Variants in UGGT2 observed in about 807,000 individuals in gnomAD.
UGGT2 encodes UDP-glucose glycoprotein glucosyltransferase 2.
In UGGT2, 180 loss-of-function variants were observed where a neutral mutation model predicts 192.1. That is an observed-to-expected ratio of 0.94 (90% confidence interval 0.83 to 1.06). The LOEUF is 1.06. Among genes scored for constraint, UGGT2 ranks in the 50% least tolerant of loss-of-function variants. The pLI, the probability that UGGT2 is intolerant of heterozygous loss-of-function variation, is 0.00. For synonymous variants in UGGT2, 580 were observed against 591.0 expected (o/e 0.98, Z 0.27); for missense variants, 1,849 against 1,795.7 (o/e 1.03, Z -0.54).
intron 16 of UGGT2, among the ~76,000 whole-genome samples, chr13:95,937,339 G>A (rs1427440657): frequency 6.6e-6 from 1 of 152,136 alleles, no homozygotes; most frequent in African/African-American, 2.4e-5. Context: ...CTGACATAGT[G>A]ACTCCACTCT....
At position 96,053,054 on chromosome 13, in the gene UGGT2, C is replaced by A; in HGVS notation, c.158+101G>T. ...GGCCAGAGCGGGGGCGTCTGGAGAACCCGGGTGGGAGCCAGACACCCGCTG... is the reference window on the plus strand; with the variant it reads ...GGCCAGAGCGGGGGCGTCTGGAGAAACCGGGTGGGAGCCAGACACCCGCTG... On this transcript the variant is annotated intron_variant, in intron 1 of 38. Transcript: ENST00000376747. The A allele has an allele frequency of 2.9e-6, 4 of 1,374,890 alleles. No homozygotes were observed. The South Asian group carries it at 6.4e-5, about 22-fold the overall frequency. The allele number at this position is 1,374,890 out of a possible 1,614,324, so 85.2% of individuals were successfully genotyped here.
chr13:95,903,782 T>A (rs537750207), intron 20 of UGGT2, among the ~76,000 whole-genome samples: 2 of 152,234 alleles, frequency 1.3e-5, no homozygotes, highest in African/African-American at 4.8e-5. Context: ...ATCTTCCACT[T>A]CAGAAGATGC....
At chr13:95,939,299 T>G (rs1003816528) in intron 16 of UGGT2, among the ~76,000 whole-genome samples, 4 of 152,240 alleles carry the variant, frequency 2.6e-5, no homozygotes, top group Non-Finnish European at 4.4e-5. Flanking sequence ...TTCAGGATTC[T>G]GCTTAAATAT....
At chr13:95,972,136 ATTTTTTTTTTTT>A (rs10568232) in intron 11 of UGGT2, among the ~76,000 whole-genome samples, 2 of 141,772 alleles carry the variant, frequency 1.4e-5, no homozygotes, top group Admixed American at 1.4e-4. Flanking sequence ...ATTTTGAAGA[ATTTTTTTTTTTT>A]TTTTTGACAA....
chr13:95,803,945 A>G (rs1884183559), intron 38 of UGGT2, among the ~76,000 whole-genome samples: 1 of 152,214 alleles, frequency 6.6e-6, no homozygotes, highest in African/African-American at 2.4e-5. Context: ...AATATTCAAA[A>G]CAGTTCTAAC....
At chr13:96,048,308 C>G (rs1489810141) in intron 1 of UGGT2, among the ~76,000 whole-genome samples, 1 of 152,076 alleles carries the variant, frequency 6.6e-6, no homozygotes, top group Non-Finnish European at 1.5e-5. Context: ...CACAACATAC[C>G]AGAATCTCTG....
intron 27 of UGGT2, among the ~76,000 whole-genome samples, chr13:95,879,820 TTC>T (rs1331178271): frequency 3.3e-5 from 5 of 152,388 alleles, no homozygotes; most frequent in South Asian, 2.1e-4. Flanking sequence ...TATTTTTATT[TTC>T]TGTTTTAAAT....
chr13:95,810,447 A>T (rs189886866), intron 38 of UGGT2, among the ~76,000 whole-genome samples: 1 of 152,342 alleles, frequency 6.6e-6, no homozygotes, highest in East Asian at 1.9e-4. Flanking sequence ...TTGTGTGCAT[A>T]CATTTATCAA....
intron 30 of UGGT2, among the ~76,000 whole-genome samples, chr13:95,864,690 T>A (rs1215866136): frequency 2.0e-5 from 3 of 152,220 alleles, no homozygotes; most frequent in African/African-American, 7.2e-5. Context: ...TATCTAATTG[T>A]CTAGGATTCT....
chr13:95,886,585 T>C (rs567464616), intron 26 of UGGT2, among the ~76,000 whole-genome samples: 29 of 152,306 alleles, frequency 1.9e-4, no homozygotes, highest in Non-Finnish European at 3.1e-4. Flanking sequence ...TAAAAAGGCA[T>C]GTGATAAAAT....
chr13:96,029,826 A>T (rs2052779127), intron 2 of UGGT2, among the ~76,000 whole-genome samples: 2 of 152,212 alleles, frequency 1.3e-5, no homozygotes, highest in Admixed American at 1.3e-4. Flanking sequence ...CGTCTCCAAT[A>T]AAAAATAGCA....
At chr13:95,911,565 AC>A (rs1447656365) in intron 20 of UGGT2, among the ~76,000 whole-genome samples, 3 of 152,198 alleles carry the variant, frequency 2.0e-5, no homozygotes, top group African/African-American at 7.2e-5. Context: ...TAGACAAATA[AC>A]AGGCTCTGAA....
intron 1 of UGGT2, among the ~76,000 whole-genome samples, chr13:96,043,836 G>C (rs186778084): frequency 2.0e-5 from 3 of 152,140 alleles, no homozygotes; most frequent in African/African-American, 4.8e-5. Flanking sequence ...AAATATATAT[G>C]CAATAATGGA....
intron 4 of UGGT2, 127 bp from the exon 5 acceptor site, chr13:96,013,608 T>C (rs564248145): frequency 1.5e-5 from 10 of 649,108 alleles, no homozygotes; most frequent in East Asian, 1.0e-4. Flanking sequence ...TTAAATTTCC[T>C]GTGATGACTT....
intron 20 of UGGT2, among the ~76,000 whole-genome samples, chr13:95,920,886 A>G (rs2048823736): frequency 6.6e-6 from 1 of 152,236 alleles, no homozygotes; most frequent in Admixed American, 6.5e-5. Context: ...ATAAGGATAC[A>G]GGAACGTGTA....
At chr13:95,874,554 T>G (rs1187876266) in intron 29 of UGGT2, among the ~76,000 whole-genome samples, 1 of 152,190 alleles carries the variant, frequency 6.6e-6, no homozygotes, top group Non-Finnish European at 1.5e-5. Context: ...GTGCATAATT[T>G]AAAATGTAGG....
chr13:95,963,588 G>T (rs746888588), intron 12 of UGGT2, among the ~76,000 whole-genome samples: 5 of 152,216 alleles, frequency 3.3e-5, no homozygotes, highest in Non-Finnish European at 5.9e-5. Flanking sequence ...TGGAAAAGAG[G>T]AAGTTAAACT....
chr13:96,029,130 G>T (rs1041935925), intron 2 of UGGT2, among the ~76,000 whole-genome samples: 1 of 151,942 alleles, frequency 6.6e-6, no homozygotes. Context: ...CAGCCTGGGC[G>T]ACACAGTGAG....
chr13:95,942,165 A>T (rs2049704255), intron 15 of UGGT2, among the ~76,000 whole-genome samples: 1 of 150,256 alleles, frequency 6.7e-6, no homozygotes. Flanking sequence ...ATTCTGAATG[A>T]TTCTGCTAAC....
Sources: gnomAD v4.1 joint callset for allele counts (sites outside exome capture counted in the v4.1 genomes callset) on GRCh38, gnomAD v4.1.1 for gene constraint, MANE v1.5 for transcripts, NCBI Gene and HGNC (gene_info 2026-07-23, HGNC 2026-07-21) for gene names.